ITGB5: variants seen among roughly 807,000 people sequenced by gnomAD.
ITGB5 encodes integrin subunit beta 5, also known as integrin beta-5.
A neutral mutation model predicts 84.8 loss-of-function variants in ITGB5; 38 were observed. The ratio of observed to expected loss-of-function variants is 0.45; its 90% CI spans 0.35 to 0.59. ITGB5 has a LOEUF of 0.59. Ranked by LOEUF, ITGB5 falls within the 20% of genes least tolerant of loss-of-function variation. The pLI is 0.01. For synonymous variants in ITGB5, 393 were observed against 414.4 expected, an observed-to-expected ratio of 0.95 and a Z score of 0.63; for missense variants, 905 against 1,034.5, an observed-to-expected ratio of 0.87 and a Z score of 1.72.
At chr3:124,838,657 A>G (rs2064970452) in intron 5 of ITGB5, among the ~76,000 whole-genome samples, 1 of 151,964 alleles carries the variant, frequency 6.6e-6, no homozygotes, top group East Asian at 1.9e-4. Context: ...GCTGGAGTGC[A>G]GTGGCATGAT....
At chr3:124,877,560 T>C (rs886925665) in intron 1 of ITGB5, among the ~76,000 whole-genome samples, 1 of 152,184 alleles carries the variant, frequency 6.6e-6, no homozygotes, top group Non-Finnish European at 1.5e-5. Context: ...GGGGCTAGGA[T>C]TGTTTTAAGA....
At chr3:124,841,208 C>T (rs1322401629) in intron 5 of ITGB5, among the ~76,000 whole-genome samples, 175 bp downstream of exon 5, 4 of 152,236 alleles carry the variant, frequency 2.6e-5, no homozygotes, top group Non-Finnish European at 5.9e-5. Flanking sequence ...CGAGCTCCGG[C>T]TGATTTGACT....
At chr3:124,796,255 C>T in intron 10 of ITGB5, 133 bp downstream of exon 10, 4 of 827,804 alleles carry the variant, frequency 4.8e-6, no homozygotes, top group Non-Finnish European at 7.8e-6. Context: ...CAAGGCTTGC[C>T]CACTGTCTTC....
chr3:124,798,756 A>G (rs973181271), intron 9 of ITGB5, among the ~76,000 whole-genome samples: 7 of 152,214 alleles, frequency 4.6e-5, no homozygotes, highest in South Asian at 2.1e-4. Flanking sequence ...AACATTATAA[A>G]TATCTGTTTC....
chr3:124,764,724 T>A (rs1314861260), intron 13 of ITGB5, among the ~76,000 whole-genome samples, 167 bp from the exon 14 acceptor site: 1 of 152,210 alleles, frequency 6.6e-6, no homozygotes, highest in Non-Finnish European at 1.5e-5. Flanking sequence ...AAATGAAAGA[T>A]TCAAAAGGGA....
intron 5 of ITGB5, among the ~76,000 whole-genome samples, chr3:124,840,916 G>A (rs1424286745): frequency 1.3e-4 from 19 of 151,762 alleles, no homozygotes; most frequent in African/African-American, 3.9e-4. Flanking sequence ...CACCTGCCTC[G>A]GCCTCCCAAA....
intron 12 of ITGB5, among the ~76,000 whole-genome samples, chr3:124,767,072 T>G (rs1417111970): frequency 6.6e-6 from 1 of 152,158 alleles, no homozygotes; most frequent in Non-Finnish European, 1.5e-5. Context: ...ATTACCTACA[T>G]TCCAAGGCTT....
chr3:124,860,639 G>A (rs1036617884), intron 2 of ITGB5, among the ~76,000 whole-genome samples: 1 of 152,204 alleles, frequency 6.6e-6, no homozygotes, highest in African/African-American at 2.4e-5. Flanking sequence ...TTTCCCTGGT[G>A]AATGTGAAAA....
Position 124,798,874 on chromosome 3 carries a change from T to G in ITGB5, c.1264-2057A>C, listed in dbSNP as rs145807301. 3.0e-4 allele frequency among the ~76,000 whole-genome samples: 45 copies of G among 152,376 alleles called. No individual in the cohort carries two copies. In the East Asian group the frequency reaches 8.3e-3, roughly 28 times the overall value. On this transcript the variant is annotated intron_variant, in intron 9 of 14. Transcript: ENST00000296181. ...GGGGAGAGGGGAGAGGGTATGGGAC[T>G]GAGCAGGAGGATAGATCCTGCTCTA...
chr3:124,805,324 G>C (rs1275690860), intron 9 of ITGB5, among the ~76,000 whole-genome samples: 3 of 151,228 alleles, frequency 2.0e-5, no homozygotes, highest in Non-Finnish European at 4.4e-5. Context: ...TGTATTTTTG[G>C]GGGAGACTGG....
intron 10 of ITGB5, among the ~76,000 whole-genome samples, chr3:124,785,261 G>A (rs1261786859): frequency 2.0e-5 from 3 of 152,180 alleles, no homozygotes; most frequent in Admixed American, 6.5e-5. Flanking sequence ...CACGTCAAGG[G>A]CGTTTTATAA....
intron 9 of ITGB5, among the ~76,000 whole-genome samples, chr3:124,804,289 C>T (rs550335371): frequency 7.4e-4 from 113 of 152,072 alleles, no homozygotes; most frequent in African/African-American, 2.6e-3. Flanking sequence ...TTTGGGAGGT[C>T]GAGGCAGGAG....
chr3:124,805,165 C>A (rs1190387208), intron 9 of ITGB5, among the ~76,000 whole-genome samples: 3 of 143,828 alleles, frequency 2.1e-5, no homozygotes, highest in Non-Finnish European at 4.6e-5. Context: ...TTCTTTCTGA[C>A]AGGGTCTCAC....
chr3:124,873,725 A>G (rs1934168210), intron 1 of ITGB5, among the ~76,000 whole-genome samples, 194 bp from the exon 2 acceptor site: 2 of 152,160 alleles, frequency 1.3e-5, no homozygotes, highest in Non-Finnish European at 2.9e-5. Context: ...GCATTCACCA[A>G]GCATGCACGC....
chr3:124,865,295 G>GC (rs2065369636), intron 2 of ITGB5, among the ~76,000 whole-genome samples: 1 of 151,956 alleles, frequency 6.6e-6, no homozygotes, highest in Non-Finnish European at 1.5e-5. Flanking sequence ...AAGCAAGAAG[G>GC]ATGGGCTTCT....
chr3:124,841,703 A>G (rs920860406), intron 4 of ITGB5, 152 bp from the exon 5 acceptor site: 2 of 688,556 alleles, frequency 2.9e-6, no homozygotes, highest in African/African-American at 3.6e-5. Flanking sequence ...CAGAGAGAGC[A>G]AAGATAAATA....
chr3:124,889,841 C>T (rs573485045), upstream of ITGB5, among the ~76,000 whole-genome samples: 8 of 152,292 alleles, frequency 5.3e-5, no homozygotes, highest in South Asian at 1.7e-3. Flanking sequence ...TGGCGAAACC[C>T]TGTCTCTTAA....
At chr3:124,776,931 G>A (rs963192550) in intron 10 of ITGB5, among the ~76,000 whole-genome samples, 2 of 152,186 alleles carry the variant, frequency 1.3e-5, no homozygotes, top group African/African-American at 4.8e-5. Context: ...GGCCTTCCTT[G>A]TGAAAAGGCC....
chr3:124,895,416 G>A (rs189796876), intron 1 of ITGB5, among the ~76,000 whole-genome samples: 122 of 152,220 alleles, frequency 8.0e-4, no homozygotes, highest in Admixed American at 2.5e-3. Context: ...GTAGAGACAG[G>A]GGTCCCCTAT....
Sources: allele counts gnomAD v4.1 joint callset (sites outside exome capture counted in the v4.1 genomes callset), GRCh38; gene constraint gnomAD v4.1.1; transcripts MANE v1.5; gene names NCBI Gene and HGNC (gene_info 2026-07-23, HGNC 2026-07-21).